Variants in THSD7B observed in about 807,000 individuals in gnomAD.
THSD7B encodes thrombospondin type-1 domain-containing protein 7B.
A neutral mutation model predicts 213.6 loss-of-function variants in THSD7B; 138 were observed. The observed-to-expected ratio is 0.65, with a 90% CI of 0.56 to 0.74. The LOEUF (loss-of-function observed/expected upper bound fraction) is 0.74. THSD7B is among the 30% of genes least tolerant of loss of function. The pLI, the probability that THSD7B is intolerant of heterozygous loss-of-function variation, is 0.00. For synonymous variants in THSD7B, 742 were observed against 687.0 expected (o/e 1.08, Z -1.25); for missense variants, 1,931 against 1,991.5 (o/e 0.97, Z 0.58).
intron 24 of THSD7B, among the ~76,000 whole-genome samples, chr2:137,658,615 T>C (rs1256039390): frequency 6.6e-6 from 1 of 152,110 alleles, no homozygotes; most frequent in African/African-American, 2.4e-5. Flanking sequence ...TTGGTAGAAA[T>C]AGGACTGTGT....
chr2:136,845,013 A>G (rs1302996226), intron 1 of THSD7B, among the ~76,000 whole-genome samples: 1 of 152,174 alleles, frequency 6.6e-6, no homozygotes, highest in Non-Finnish European at 1.5e-5. Flanking sequence ...TCCAAACGCC[A>G]TTTGCATCTG....
intron 2 of THSD7B, among the ~76,000 whole-genome samples, chr2:137,023,613 G>A (rs553840630): frequency 2.0e-5 from 3 of 152,250 alleles, no homozygotes; most frequent in East Asian, 3.9e-4. Context: ...TTTCCTTTGC[G>A]TGGACTCTTT....
intron 26 of THSD7B, among the ~76,000 whole-genome samples, chr2:137,664,636 G>T (rs193057470): frequency 4.7e-4 from 72 of 152,270 alleles, no homozygotes; most frequent in African/African-American, 1.4e-3. Context: ...TCCCATTTGA[G>T]AGATGAGGAA....
intron 7 of THSD7B, among the ~76,000 whole-genome samples, chr2:137,180,023 C>T (rs755509449): frequency 6.6e-6 from 1 of 151,960 alleles, no homozygotes; most frequent in East Asian, 1.9e-4. Context: ...AATTTTATTT[C>T]CTTTATAGGT....
rs901595305 is a variant in THSD7B at position 137,663,466 on chromosome 2, C to T, written c.4542C>T (p.Gly1514=). The T allele has an allele frequency of 5.0e-6, 8 of 1,598,672 alleles. No individual in the cohort carries two copies. The highest frequency in any genetic ancestry group is 6.8e-6 in the Non-Finnish European group (8 of 1,171,684). ...TGGATTACTGCATGAAAGTACCAGG[C>T]TCAGAGGATAAAAAAGCTGATGTGA... ...GFLDYCMKVP[G]SEDKKADVKN... The change falls in exon 26 of 28, where the codon GGC becomes GGT. Residue 1514 remains glycine, a synonymous_variant. Coordinates refer to ENST00000409968, the MANE Select transcript of THSD7B (RefSeq NM_001316349.2).
intron 17 of THSD7B, among the ~76,000 whole-genome samples, chr2:137,615,057 G>A (rs562303304): frequency 6.6e-6 from 1 of 152,260 alleles, no homozygotes; most frequent in Admixed American, 6.5e-5. Context: ...ATTGCATGTT[G>A]TGAACATGTT....
At chr2:137,375,277 T>TA (rs1348199733) in intron 12 of THSD7B, among the ~76,000 whole-genome samples, 3 of 151,964 alleles carry the variant, frequency 2.0e-5, no homozygotes, top group South Asian at 2.1e-4. Flanking sequence ...TTTAACAGGT[T>TA]AAAAAAAACA....
chr2:137,113,231 C>T (rs1258673598), intron 4 of THSD7B, among the ~76,000 whole-genome samples: 1 of 152,018 alleles, frequency 6.6e-6, no homozygotes, highest in Non-Finnish European at 1.5e-5. Context: ...TCTATCTGTG[C>T]CCTGAAACTG....
At chr2:137,111,958 G>T (rs879641966) in intron 4 of THSD7B, among the ~76,000 whole-genome samples, 5 of 152,192 alleles carry the variant, frequency 3.3e-5, no homozygotes, top group Non-Finnish European at 7.3e-5. Context: ...TCAGAGTTGG[G>T]AGATGGGAGG....
At position 137,056,765 on chromosome 2, in the gene THSD7B, T is replaced by A. The variant is rs1331763289; in HGVS notation, c.485T>A (p.Phe162Tyr). 1 of 1,613,860 alleles carries A rather than the reference T, an allele frequency of 6.2e-7. No individual in the cohort carries two copies. The highest frequency in any genetic ancestry group is 1.3e-5 in the African/African-American group (1 of 74,924). The change falls in exon 3 of 28, where the codon TTT (phenylalanine) becomes TAT (tyrosine). Residue 162 changes from phenylalanine (F) to tyrosine (Y), a missense_variant. Phe to Tyr is a conservative substitution (Grantham distance 22, BLOSUM62 3). Coordinates refer to ENST00000409968, the MANE Select transcript of THSD7B (RefSeq NM_001316349.2). ...TVVANEICEH[F>Y]ALQPPTEQAC... ...GTTGCAAATGAAATATGCGAACACTTTGCCCTTCAGCCTCCTACAGAACAG... is the reference window on the plus strand; with the variant it reads ...GTTGCAAATGAAATATGCGAACACTATGCCCTTCAGCCTCCTACAGAACAG...
At chr2:137,134,275 G>T (rs1688791978) in intron 5 of THSD7B, among the ~76,000 whole-genome samples, 1 of 152,158 alleles carries the variant, frequency 6.6e-6, no homozygotes, top group African/African-American at 2.4e-5. Context: ...AAGGAAGCAA[G>T]TCAGCATTCC....
rs1046973000 is a variant in THSD7B at position 137,246,403 on chromosome 2, T to G, written c.2266+3831T>G. ...TAACAACCAGGGAATCACTGGATTATGAAAATCTCAAACCACGTTCATTCT... is the reference window on the plus strand; with the variant it reads ...TAACAACCAGGGAATCACTGGATTAGGAAAATCTCAAACCACGTTCATTCT... On this transcript the variant is annotated intron_variant, in intron 10 of 27. Transcript: ENST00000409968. Among the ~76,000 whole-genome samples, 38 of 152,158 alleles carry G rather than the reference T, an allele frequency of 2.5e-4. 1 individual carries two copies. The highest frequency in any genetic ancestry group is 7.2e-4 in the Admixed American group (11 of 15,274).
At chr2:137,343,865 A>G (rs1057040082) in intron 12 of THSD7B, among the ~76,000 whole-genome samples, 1 of 151,830 alleles carries the variant, frequency 6.6e-6, no homozygotes, top group African/African-American at 2.4e-5. Context: ...TTTACAATGC[A>G]CTGAAGCCCT....
chr2:136,985,623 A>G (rs1685657830), intron 2 of THSD7B, among the ~76,000 whole-genome samples: 1 of 152,252 alleles, frequency 6.6e-6, no homozygotes, highest in South Asian at 2.1e-4. Context: ...GAACCCTCAT[A>G]GAGAACTTCT....
chr2:137,146,891 A>G (rs1028894195), intron 5 of THSD7B, among the ~76,000 whole-genome samples: 2 of 152,152 alleles, frequency 1.3e-5, no homozygotes, highest in Non-Finnish European at 2.9e-5. Flanking sequence ...TTGCTAAGAG[A>G]TTGGCCCAGT....
chr2:136,855,771 C>G (rs1267493095), intron 1 of THSD7B, among the ~76,000 whole-genome samples: 1 of 151,866 alleles, frequency 6.6e-6, no homozygotes, highest in African/African-American at 2.4e-5. Context: ...CACGCCCGGG[C>G]TTCCCTCATT....
At chr2:136,824,743 G>T (rs1478132623) in intron 1 of THSD7B, among the ~76,000 whole-genome samples, 1 of 152,158 alleles carries the variant, frequency 6.6e-6, no homozygotes, top group Non-Finnish European at 1.5e-5. Flanking sequence ...AGAATCAACT[G>T]TGTTTCTTAT....
Position 137,411,765 on chromosome 2 carries a change from G to T in THSD7B, c.2852G>T (p.Arg951Leu), listed in dbSNP as rs377312622. 6.2e-7 allele frequency: 1 copy of T among 1,613,918 alleles called. No homozygotes were observed. Among genetic ancestry groups the T allele is most frequent in the Non-Finnish European group, 8.5e-7 (1 of 1,179,884 alleles). The stretch of plus-strand genomic sequence containing the variant: ...AGAAGGGAGCCTCACCGAGGACTGC[G>T]GGTACAAGCAGACAGCAAAGAATGT... ...EGRREPHRGL[R>L]VQADSKECGE... The change falls in exon 14 of 28, where the codon CGG becomes CTG. Residue 951 changes from arginine (R) to leucine (L), a missense_variant. Arg to Leu is a moderately radical substitution (Grantham distance 102). Transcript: ENST00000409968.
chr2:137,121,236 C>T (rs1688540528), intron 5 of THSD7B, among the ~76,000 whole-genome samples: 1 of 152,074 alleles, frequency 6.6e-6, no homozygotes, highest in South Asian at 2.1e-4. Flanking sequence ...AGGTATAATG[C>T]ACCTCATTAA....
Sources: gnomAD v4.1 joint callset for allele counts (sites outside exome capture counted in the v4.1 genomes callset) on GRCh38, gnomAD v4.1.1 for gene constraint, MANE v1.5 for transcripts, NCBI Gene and HGNC (gene_info 2026-07-23, HGNC 2026-07-21) for gene names.